The following ZMYM2 variants were observed in gnomAD, a reference collection of about 807,000 sequenced individuals.
ZMYM2 encodes zinc finger MYM-type containing 2, also known as zinc finger MYM-type protein 2.
Under a neutral mutation model 162.8 loss-of-function variants are expected in ZMYM2, and 56 were observed. The ratio of observed to expected loss-of-function variants is 0.34; its 90% CI spans 0.28 to 0.43. ZMYM2 has a LOEUF of 0.43. ZMYM2 is among the 20% of genes least tolerant of loss of function. The pLI is 1.00. For synonymous variants in ZMYM2, 510 were observed against 541.6 expected (o/e 0.94, Z 0.81); for missense variants, 1,275 against 1,621.8 (o/e 0.79, Z 3.67).
At chr13:20,049,474 T>C (rs1260522894) in intron 12 of ZMYM2, among the ~76,000 whole-genome samples, 1 of 152,068 alleles carries the variant, frequency 6.6e-6, no homozygotes, top group Non-Finnish European at 1.5e-5. Context: ...ATAGTACATG[T>C]AATGATTTGA....
the ZMYM2 span, among the ~76,000 whole-genome samples, chr13:19,916,803 T>C: frequency 7.3e-4 from 111 of 152,282 alleles, 1 homozygote; most frequent in South Asian, 4.6e-3. Context: ...AGGGCGCATG[T>C]ATACATATGT....
At chr13:19,949,236 C>T in the ZMYM2 span, among the ~76,000 whole-genome samples, 1 of 151,708 alleles carries the variant, frequency 6.6e-6, no homozygotes, top group East Asian at 2.0e-4. Context: ...ATGGTGAAAC[C>T]CCATCTCTGC....
the ZMYM2 span, among the ~76,000 whole-genome samples, chr13:19,876,427 A>T: frequency 6.6e-6 from 1 of 151,860 alleles, no homozygotes; most frequent in African/African-American, 2.4e-5. Flanking sequence ...GGTTCAAGTG[A>T]TTCTCCTGCC....
At chr13:20,067,084 C>G in intron 20 of ZMYM2, 65 bp downstream of exon 20, 1 of 1,466,468 alleles carries the variant, frequency 6.8e-7, no homozygotes, top group Admixed American at 2.4e-5. Flanking sequence ...TATTGAGTAC[C>G]TTTAAATTTA....
chr13:19,946,173 G>A, the ZMYM2 span, among the ~76,000 whole-genome samples: 1 of 152,028 alleles, frequency 6.6e-6, no homozygotes, highest in Admixed American at 6.6e-5. Flanking sequence ...GCTACCCTAC[G>A]ACAATTCCCC....
Position 20,086,771 on chromosome 13 carries a change from G to GTGTA in ZMYM2, c.*758_*759insGTAT, listed in dbSNP as rs1555334894. Reference sequence around the variant, plus strand: ...TATATATATGTATGTATGTGTGTGTGTATATATATATATATATATATATAT... The same window carrying GTGTA: ...TATATATATGTATGTATGTGTGTGTGTGTATATATATATATATATATATATATAT... On this transcript the variant is annotated 3_prime_UTR_variant, in exon 25 of 25. Coordinates refer to ENST00000610343, the MANE Select transcript of ZMYM2 (RefSeq NM_197968.4). 2,026 of 133,810 alleles carry GTGTA rather than the reference G, an allele frequency of 0.015. 25 individuals carry two copies. The highest frequency in any genetic ancestry group is 0.026 in the Middle Eastern group (7 of 270). The allele number at this position is 133,810 out of a possible 1,614,324, so 8.3% of individuals were successfully genotyped here. A position where few individuals can be genotyped will look rare whatever the true frequency, so the allele number is the denominator to read the frequency against.
At chr13:20,018,660 C>T (rs1181295614) in intron 6 of ZMYM2, among the ~76,000 whole-genome samples, 1 of 152,194 alleles carries the variant, frequency 6.6e-6, no homozygotes, top group African/African-American at 2.4e-5. Context: ...AGTAGTTTTC[C>T]TTTTCTAGCA....
Position 20,061,104 on chromosome 13 carries a change from C to G in ZMYM2, c.2791C>G (p.Pro931Ala). The change falls in exon 17 of 25, where the codon CCT becomes GCT. Residue 931 changes from proline (P) to alanine (A), a missense_variant. Coordinates refer to ENST00000610343, the MANE Select transcript of ZMYM2 (RefSeq NM_197968.4). ...TCCATTGGACAGCAGTGAGAAGATTCCTGCAGCAATTGAGGAGCTAAAAAG... is the reference window on the plus strand; with the variant it reads ...TCCATTGGACAGCAGTGAGAAGATTGCTGCAGCAATTGAGGAGCTAAAAAG... ...PAPLDSSEKI[P>A]AAIEELKSKV... 6.2e-7 allele frequency: 1 copy of G among 1,612,596 alleles called. No homozygotes were observed.
the ZMYM2 span, among the ~76,000 whole-genome samples, chr13:19,891,266 G>A: frequency 9.2e-5 from 14 of 151,950 alleles, no homozygotes; most frequent in South Asian, 1.0e-3. Flanking sequence ...AGAAGAGGCC[G>A]CGTGAGGACA....
intron 2 of ZMYM2, among the ~76,000 whole-genome samples, chr13:19,962,098 C>G (rs1471466742): frequency 6.6e-6 from 1 of 152,140 alleles, no homozygotes; most frequent in Non-Finnish European, 1.5e-5. Flanking sequence ...GTGAGACAAT[C>G]CTGAATCACT....
chr13:19,933,896 T>A, the ZMYM2 span, among the ~76,000 whole-genome samples: 3 of 152,252 alleles, frequency 2.0e-5, no homozygotes, highest in African/African-American at 7.2e-5. Context: ...GGAGAGTCAG[T>A]GCTTCTGTTC....
intron 14 of ZMYM2, among the ~76,000 whole-genome samples, chr13:20,053,918 A>G (rs2140630792): frequency 6.6e-6 from 1 of 152,344 alleles, no homozygotes; most frequent in Middle Eastern, 3.4e-3. Context: ...ACTTTTATCC[A>G]TGCTGAGGGT....
chr13:19,934,718 CTCTT>C, the ZMYM2 span, among the ~76,000 whole-genome samples: 2 of 152,036 alleles, frequency 1.3e-5, no homozygotes, highest in Admixed American at 6.5e-5. Context: ...ATTTCTCTCT[CTCTT>C]TATTTGAATA....
chr13:19,866,183 C>G, the ZMYM2 span, among the ~76,000 whole-genome samples: 1 of 151,548 alleles, frequency 6.6e-6, no homozygotes, highest in East Asian at 2.0e-4. Context: ...GACTGCATCA[C>G]TGCACTCCAG....
At chr13:19,869,223 C>G in the ZMYM2 span, among the ~76,000 whole-genome samples, 1 of 152,146 alleles carries the variant, frequency 6.6e-6, no homozygotes, top group South Asian at 2.1e-4. Flanking sequence ...TGTGTAAAGT[C>G]AGATGGTGTT....
intron 17 of ZMYM2, 145 bp downstream of exon 17, chr13:20,061,369 T>TCTGCG: frequency 1.4e-6 from 1 of 692,174 alleles, no homozygotes; most frequent in South Asian, 3.0e-5. Flanking sequence ...TTTTTTATAT[T>TCTGCG]AAGAGATCTA....
At chr13:19,929,808 G>T in the ZMYM2 span, among the ~76,000 whole-genome samples, 1 of 152,186 alleles carries the variant, frequency 6.6e-6, no homozygotes, top group Non-Finnish European at 1.5e-5. Flanking sequence ...CTGTGTTTAA[G>T]ATTAGGTTAA....
At chr13:19,901,491 C>A in the ZMYM2 span, among the ~76,000 whole-genome samples, 5 of 152,202 alleles carry the variant, frequency 3.3e-5, no homozygotes, top group East Asian at 5.8e-4. Context: ...ACCTCTCCCC[C>A]ACTAACTTTT....
chr13:19,905,732 C>T, the ZMYM2 span, among the ~76,000 whole-genome samples: 2 of 152,172 alleles, frequency 1.3e-5, no homozygotes, highest in East Asian at 1.9e-4. Flanking sequence ...TGTTTCCCTG[C>T]GTGGCCTCTG....
Sources: gnomAD v4.1 joint callset for allele counts (sites outside exome capture counted in the v4.1 genomes callset) on GRCh38, gnomAD v4.1.1 for gene constraint, MANE v1.5 for transcripts, NCBI Gene and HGNC (gene_info 2026-07-23, HGNC 2026-07-21) for gene names.